SOX5: variants seen among roughly 807,000 people sequenced by gnomAD.
SOX5 encodes the protein SRY-box transcription factor 5.
Under a neutral mutation model 92.0 loss-of-function variants are expected in SOX5, and 9 were observed. The observed-to-expected ratio is 0.10, with a 90% CI of 0.06 to 0.17. The LOEUF (loss-of-function observed/expected upper bound fraction) is 0.17, where lower values mean the gene tolerates loss of function less well. Ranked by LOEUF, SOX5 falls within the 10% of genes least tolerant of loss-of-function variation. The probability of loss-of-function intolerance (pLI) is 1.00; values close to 1 mark genes in which losing one functional copy is unlikely to be tolerated. For missense variants in SOX5, 642 were observed against 944.5 expected, an observed-to-expected ratio of 0.68 and a Z score of 4.20; for synonymous variants, 344 against 336.3, an observed-to-expected ratio of 1.02 and a Z score of -0.25.
At chr12:23,920,665 T>A (rs1937932348) in intron 1 of SOX5, 1 of 152,186 alleles carries the variant, frequency 6.6e-6, no homozygotes, top group East Asian at 1.9e-4. Context: ...CTACTCCTTA[T>A]GCAATATGCT....
chr12:23,671,061 TG>T (rs1262197011), intron 6 of SOX5, among the ~76,000 whole-genome samples: 1 of 151,844 alleles, frequency 6.6e-6, no homozygotes, highest in Non-Finnish European at 1.5e-5. Flanking sequence ...AAAAACAGGG[TG>T]AGAGGCCTGG....
chr12:23,612,619 G>T (rs1270643865), intron 8 of SOX5, among the ~76,000 whole-genome samples: 1 of 151,952 alleles, frequency 6.6e-6, no homozygotes, highest in East Asian at 1.9e-4. Flanking sequence ...TAACATATAT[G>T]CAATGTGTTA....
At chr12:23,918,973 C>T (rs2097451436) in intron 1 of SOX5, among the ~76,000 whole-genome samples, 1 of 150,950 alleles carries the variant, frequency 6.6e-6, no homozygotes, top group South Asian at 2.1e-4. Context: ...TCCATTTTAC[C>T]CCAAACAGCC....
At chr12:23,914,125 T>C (rs890286315) in intron 1 of SOX5, among the ~76,000 whole-genome samples, 4 of 152,206 alleles carry the variant, frequency 2.6e-5, no homozygotes, top group Non-Finnish European at 5.9e-5. Flanking sequence ...TCCAGAGCCC[T>C]AAATTAATTC....
intron 4 of SOX5, among the ~76,000 whole-genome samples, chr12:23,985,340 C>T (rs1339617713): frequency 6.6e-6 from 1 of 152,066 alleles, no homozygotes; most frequent in East Asian, 1.9e-4. Flanking sequence ...CCTCAAACTC[C>T]TGGCCTCAAG....
intron 9 of SOX5, among the ~76,000 whole-genome samples, chr12:23,594,207 A>C (rs751491105): frequency 6.6e-5 from 10 of 152,024 alleles, no homozygotes; most frequent in East Asian, 1.9e-4. Flanking sequence ...CTGGAAAAAA[A>C]AAAACAAAAC....
At chr12:23,555,125 C>T (rs144636412) in intron 11 of SOX5, among the ~76,000 whole-genome samples, 3 of 152,248 alleles carry the variant, frequency 2.0e-5, no homozygotes, top group East Asian at 1.9e-4. Context: ...CTTGGCATAA[C>T]TAAACTATTG....
intron 9 of SOX5, among the ~76,000 whole-genome samples, chr12:23,588,607 A>C (rs1481451470): frequency 1.3e-5 from 2 of 151,962 alleles, no homozygotes; most frequent in Non-Finnish European, 2.9e-5. Context: ...AGAATTAAAG[A>C]GACAAAATGA....
intron 2 of SOX5, among the ~76,000 whole-genome samples, chr12:24,360,319 C>A (rs1180397114): frequency 2.0e-5 from 3 of 152,182 alleles, no homozygotes; most frequent in African/African-American, 7.2e-5. Context: ...GAATTCTGTG[C>A]AGTGAGATGC....
At chr12:24,492,768 G>A (rs1947219626) in intron 1 of SOX5, among the ~76,000 whole-genome samples, 1 of 151,924 alleles carries the variant, frequency 6.6e-6, no homozygotes, top group Non-Finnish European at 1.5e-5. Flanking sequence ...TGAAAGAATG[G>A]GCTGTGAAAT....
At chr12:24,514,107 A>G (rs1949564206) in intron 1 of SOX5, among the ~76,000 whole-genome samples, 1 of 152,222 alleles carries the variant, frequency 6.6e-6, no homozygotes, top group Admixed American at 6.5e-5. Context: ...AAATTTAACA[A>G]CAGGGCCTTT....
intron 3 of SOX5, among the ~76,000 whole-genome samples, chr12:23,777,060 A>G (rs2141662069): frequency 6.6e-6 from 1 of 152,306 alleles, no homozygotes; most frequent in East Asian, 1.9e-4. Flanking sequence ...TTCTAGGAGA[A>G]CTGGAAGTTA....
At chr12:23,894,420 G>C (rs1293840062) in intron 2 of SOX5, among the ~76,000 whole-genome samples, 1 of 151,964 alleles carries the variant, frequency 6.6e-6, no homozygotes, top group Admixed American at 6.6e-5. Flanking sequence ...TAGAGATGGG[G>C]TTTCACTATG....
intron 3 of SOX5, among the ~76,000 whole-genome samples, chr12:24,266,977 A>T (rs1008367139): frequency 6.6e-6 from 1 of 152,186 alleles, no homozygotes; most frequent in Non-Finnish European, 1.5e-5. Context: ...TCTTTTGATG[A>T]GAATTTAAAT....
intron 6 of SOX5, among the ~76,000 whole-genome samples, chr12:23,692,550 A>T (rs1182124038): frequency 2.0e-5 from 3 of 152,188 alleles, no homozygotes. Context: ...TTCCTGAGAC[A>T]TGGTTTATGA....
chr12:24,254,572 T>G (rs1482887783), intron 3 of SOX5, among the ~76,000 whole-genome samples: 1 of 151,870 alleles, frequency 6.6e-6, no homozygotes, highest in Non-Finnish European at 1.5e-5. Flanking sequence ...AAAATTGTAC[T>G]GAAAGTGAAG....
At chr12:23,847,740 C>G (rs181455789) in intron 2 of SOX5, among the ~76,000 whole-genome samples, 5 of 152,140 alleles carry the variant, frequency 3.3e-5, no homozygotes, top group Admixed American at 3.3e-4. Flanking sequence ...TTTCATTTCT[C>G]ACAAACATTA....
chr12:23,999,735 A>G (rs1321817809), intron 4 of SOX5, among the ~76,000 whole-genome samples: 1 of 152,042 alleles, frequency 6.6e-6, no homozygotes, highest in Non-Finnish European at 1.5e-5. Context: ...AGTGCTACAG[A>G]AAAAAACTCA....
intron 2 of SOX5, among the ~76,000 whole-genome samples, chr12:24,313,944 A>G (rs1253456945): frequency 7.1e-6 from 1 of 141,456 alleles, no homozygotes; most frequent in East Asian, 2.0e-4. Context: ...ACTCAGGCCA[A>G]AATCCTCAAA....
Sources: allele counts gnomAD v4.1 joint callset (sites outside exome capture counted in the v4.1 genomes callset), GRCh38; gene constraint gnomAD v4.1.1; transcripts MANE v1.5; gene names NCBI Gene and HGNC (gene_info 2026-07-23, HGNC 2026-07-21).